TYW1: variants seen among roughly 807,000 people sequenced by gnomAD.
TYW1 encodes the protein tRNA-yW synthesizing protein 1 homolog.
Under a neutral mutation model 96.2 loss-of-function variants are expected in TYW1, and 46 were observed. The ratio of observed to expected loss-of-function variants is 0.48; its 90% CI spans 0.38 to 0.61. The LOEUF (loss-of-function observed/expected upper bound fraction) is 0.61. Ranked by LOEUF, TYW1 falls within the 20% of genes least tolerant of loss-of-function variation. TYW1 has a pLI of 0.00. For synonymous variants in TYW1, 274 were observed against 323.0 expected, an observed-to-expected ratio of 0.85 and a Z score of 1.63; for missense variants, 684 against 909.6, an observed-to-expected ratio of 0.75 and a Z score of 3.19.
intron 4 of TYW1, among the ~76,000 whole-genome samples, chr7:67,013,586 T>A (rs567737874): frequency 1.4e-4 from 22 of 152,118 alleles, no homozygotes; most frequent in Admixed American, 5.9e-4. Flanking sequence ...ACATTCCTTG[T>A]CTTTCTGACA....
intron 11 of TYW1, among the ~76,000 whole-genome samples, chr7:67,089,921 G>C (rs996987144): frequency 6.6e-6 from 1 of 152,172 alleles, no homozygotes; most frequent in Admixed American, 6.5e-5. Flanking sequence ...GGGAGAAATA[G>C]TTCCCAGAAA....
chr7:67,181,094 A>G (rs537886460), intron 13 of TYW1, among the ~76,000 whole-genome samples: 1 of 151,966 alleles, frequency 6.6e-6, no homozygotes, highest in African/African-American at 2.4e-5. Flanking sequence ...AAAAGCAGGG[A>G]TGGCTTTTAA....
chr7:67,227,342 C>T (rs4718488), intron 15 of TYW1, among the ~76,000 whole-genome samples: 40,576 of 151,816 alleles, frequency 0.27, 5,769 homozygotes, highest in African/African-American at 0.36. Flanking sequence ...CAGCAACCTC[C>T]GCCTCCCAGG....
At chr7:67,088,138 T>TAC in intron 11 of TYW1, among the ~76,000 whole-genome samples, 1 of 152,330 alleles carries the variant, frequency 6.6e-6, no homozygotes, top group Non-Finnish European at 1.5e-5. Context: ...GTGCTGGGAT[T>TAC]ACAGGCATGA....
chr7:67,040,947 A>G (rs1164885888), intron 7 of TYW1, among the ~76,000 whole-genome samples: 1 of 152,158 alleles, frequency 6.6e-6, no homozygotes, highest in African/African-American at 2.4e-5. Context: ...TCTTATGGCC[A>G]TTAGAGGGCA....
intron 13 of TYW1, among the ~76,000 whole-genome samples, chr7:67,128,542 T>A (rs978771716): frequency 6.6e-6 from 1 of 152,150 alleles, no homozygotes; most frequent in Non-Finnish European, 1.5e-5. Flanking sequence ...TAAACTTTGC[T>A]TTTTGCCTTT....
At chr7:67,031,971 C>G (rs953818870) in intron 7 of TYW1, among the ~76,000 whole-genome samples, 2 of 152,156 alleles carry the variant, frequency 1.3e-5, no homozygotes, top group African/African-American at 4.8e-5. Context: ...TAGCTTGAAT[C>G]TCATCATGGG....
intron 13 of TYW1, among the ~76,000 whole-genome samples, chr7:67,173,098 C>T (rs1166305710): frequency 2.0e-5 from 3 of 152,242 alleles, no homozygotes; most frequent in South Asian, 2.1e-4. Flanking sequence ...ACTCCTAATA[C>T]AATTAACAAT....
chr7:67,146,780 C>A (rs775219704), intron 13 of TYW1, among the ~76,000 whole-genome samples: 1 of 152,176 alleles, frequency 6.6e-6, no homozygotes, highest in Non-Finnish European at 1.5e-5. Flanking sequence ...GTCACAGAAG[C>A]CTGATTGTAG....
At chr7:67,136,195 C>A (rs1798249311) in intron 13 of TYW1, among the ~76,000 whole-genome samples, 1 of 152,136 alleles carries the variant, frequency 6.6e-6, no homozygotes, top group South Asian at 2.1e-4. Flanking sequence ...GTATTTGAAC[C>A]CCTGTTTAGC....
chr7:66,999,072 C>T (rs1273706641), intron 3 of TYW1, 118 bp downstream of exon 3: 5 of 1,016,294 alleles, frequency 4.9e-6, no homozygotes, highest in South Asian at 1.4e-5. Context: ...GTCATCTAAC[C>T]TTCTTTATTC....
chr7:67,094,965 G>A (rs534793195), intron 11 of TYW1, among the ~76,000 whole-genome samples: 3 of 151,426 alleles, frequency 2.0e-5, no homozygotes, highest in Non-Finnish European at 4.4e-5. Flanking sequence ...GATTGCTGGT[G>A]GGGGGGTACT....
At chr7:67,041,113 T>C (rs1795006107) in intron 7 of TYW1, among the ~76,000 whole-genome samples, 1 of 152,100 alleles carries the variant, frequency 6.6e-6, no homozygotes, top group Non-Finnish European at 1.5e-5. Flanking sequence ...TTGGGAAAAA[T>C]ACGTGTTTTT....
At chr7:67,166,634 T>C (rs1303381499) in intron 13 of TYW1, among the ~76,000 whole-genome samples, 1 of 152,066 alleles carries the variant, frequency 6.6e-6, no homozygotes, top group Non-Finnish European at 1.5e-5. Flanking sequence ...ATTTAAATTC[T>C]TTTGTGAATA....
intron 10 of TYW1, among the ~76,000 whole-genome samples, chr7:67,068,914 T>C (rs539918808): frequency 6.6e-6 from 1 of 152,352 alleles, no homozygotes; most frequent in Non-Finnish European, 1.5e-5. Context: ...ACATTTCTTC[T>C]CTTTTTCTCA....
chr7:67,058,711 G>A (rs1795606337), intron 9 of TYW1, among the ~76,000 whole-genome samples: 1 of 151,972 alleles, frequency 6.6e-6, no homozygotes, highest in Non-Finnish European at 1.5e-5. Flanking sequence ...CTTGGACTCA[G>A]GTGATCTGCC....
intron 3 of TYW1, among the ~76,000 whole-genome samples, chr7:67,005,897 T>G (rs1169316439): frequency 6.6e-6 from 1 of 152,044 alleles, no homozygotes; most frequent in Non-Finnish European, 1.5e-5. Context: ...TTTTTTTCAG[T>G]CTTAGTAACC....
chr7:67,136,270 A>G (rs1029347827), intron 13 of TYW1, among the ~76,000 whole-genome samples: 3 of 152,192 alleles, frequency 2.0e-5, no homozygotes, highest in Non-Finnish European at 2.9e-5. Flanking sequence ...CCTGCTACCT[A>G]AAGTTATCAT....
At chr7:67,029,395 GTGTGTGTGTGTGTGTGTGTGTA>G (rs1454235367) in intron 7 of TYW1, among the ~76,000 whole-genome samples, 1 of 73,994 alleles carries the variant, frequency 1.4e-5, no homozygotes, top group African/African-American at 5.2e-5. Flanking sequence ...GTGTGTGTGT[GTGTGTGTGTGTGTGTGTGTGTA>G]TATATATATA....
Sources: allele counts gnomAD v4.1 joint callset (sites outside exome capture counted in the v4.1 genomes callset), GRCh38; gene constraint gnomAD v4.1.1; transcripts MANE v1.5; gene names NCBI Gene and HGNC (gene_info 2026-07-23, HGNC 2026-07-21).